Variants in ATXN1 observed in about 807,000 individuals in gnomAD.
ATXN1 encodes the protein ataxin-1.
In ATXN1, 8 loss-of-function variants were observed where a neutral mutation model predicts 56.4. That is an observed-to-expected ratio of 0.14 (90% CI 0.08 to 0.26). ATXN1 has a LOEUF of 0.26. ATXN1 is among the 10% of genes least tolerant of loss of function. The pLI, the probability that ATXN1 is intolerant of heterozygous loss-of-function variation, is 1.00. For synonymous variants in ATXN1, 514 were observed against 494.6 expected (o/e 1.04, Z -0.52); for missense variants, 987 against 1,106.5 (o/e 0.89, Z 1.53).
chr6:16,482,555 G>A (rs143560442), intron 6 of ATXN1, among the ~76,000 whole-genome samples: 224 of 152,262 alleles, frequency 1.5e-3, no homozygotes, highest in African/African-American at 5.2e-3. Context: ...ATGAAATATG[G>A]ATCACTTTCT....
intron 6 of ATXN1, among the ~76,000 whole-genome samples, chr6:16,462,681 G>A (rs1179505736): frequency 2.0e-5 from 3 of 152,070 alleles, no homozygotes; most frequent in Admixed American, 6.6e-5. Flanking sequence ...GCAATGAAAA[G>A]CCCTGTAACC....
chr6:16,377,353 T>G (rs796185007), intron 6 of ATXN1, among the ~76,000 whole-genome samples: 8 of 152,190 alleles, frequency 5.3e-5, no homozygotes, highest in Non-Finnish European at 1.0e-4. Flanking sequence ...TGTGGCACAC[T>G]CTTGTTCTCT....
At chr6:16,671,230 G>A (rs756020758) in intron 2 of ATXN1, among the ~76,000 whole-genome samples, 1 of 151,932 alleles carries the variant, frequency 6.6e-6, no homozygotes, top group Non-Finnish European at 1.5e-5. Context: ...AGAAGTATCT[G>A]CTATGGATCA....
At chr6:16,752,744 C>G (rs576889) in intron 2 of ATXN1, among the ~76,000 whole-genome samples, 1,737 of 152,288 alleles carry the variant, frequency 0.011, 21 homozygotes, top group Non-Finnish European at 0.017. Context: ...GAAAAACTTA[C>G]TGTACGTGGG....
intron 6 of ATXN1, among the ~76,000 whole-genome samples, chr6:16,425,928 C>T (rs1254604192): frequency 1.3e-5 from 2 of 152,160 alleles, no homozygotes; most frequent in African/African-American, 4.8e-5. Context: ...TAGAATTAGA[C>T]TTCAAAGCTA....
At chr6:16,708,203 A>G (rs1759446734) in intron 2 of ATXN1, among the ~76,000 whole-genome samples, 3 of 152,236 alleles carry the variant, frequency 2.0e-5, no homozygotes, top group Admixed American at 2.0e-4. Flanking sequence ...TAAAAGCATT[A>G]TAAATGATGG....
chr6:16,393,277 G>T (rs144120901), intron 6 of ATXN1, among the ~76,000 whole-genome samples: 6 of 151,746 alleles, frequency 4.0e-5, no homozygotes, highest in African/African-American at 1.5e-4. Context: ...TTTTTTTAGA[G>T]ACAGGGTCTT....
At chr6:16,403,362 A>T (rs438374) in intron 6 of ATXN1, among the ~76,000 whole-genome samples, 111,346 of 151,714 alleles carry the variant, frequency 0.73, 41,034 homozygotes, top group East Asian at 0.92. Flanking sequence ...TTAAAAAAAA[A>T]TTTTTTAAGA....
intron 5 of ATXN1, among the ~76,000 whole-genome samples, chr6:16,504,248 G>A (rs1760939947): frequency 6.6e-6 from 1 of 152,204 alleles, no homozygotes; most frequent in African/African-American, 2.4e-5. Flanking sequence ...CTACTCGCAT[G>A]TATTGCTAGG....
intron 5 of ATXN1, among the ~76,000 whole-genome samples, chr6:16,522,050 C>A (rs1561737856): frequency 6.6e-6 from 1 of 152,180 alleles, no homozygotes; most frequent in Non-Finnish European, 1.5e-5. Flanking sequence ...GATTCCAAAA[C>A]CAGACTTGTG....
chr6:16,502,202 G>A (rs1760898434), intron 5 of ATXN1, among the ~76,000 whole-genome samples: 1 of 152,148 alleles, frequency 6.6e-6, no homozygotes, highest in South Asian at 2.1e-4. Flanking sequence ...AGTATGCTCT[G>A]AATTGCTATA....
intron 2 of ATXN1, among the ~76,000 whole-genome samples, chr6:16,711,552 A>T (rs1197646512): frequency 6.7e-6 from 1 of 149,978 alleles, no homozygotes. Context: ...ATATATACAC[A>T]TATATATATA....
intron 3 of ATXN1, among the ~76,000 whole-genome samples, chr6:16,611,046 C>T (rs1306870542): frequency 6.6e-6 from 1 of 151,834 alleles, no homozygotes; most frequent in Non-Finnish European, 1.5e-5. Flanking sequence ...AAAATATATA[C>T]ACATATAAGG....
chr6:16,638,239 T>C (rs1763635019), intron 3 of ATXN1, among the ~76,000 whole-genome samples: 1 of 148,572 alleles, frequency 6.7e-6, no homozygotes, highest in South Asian at 2.1e-4. Context: ...AGCCCAGGAG[T>C]TCAAGACAAA....
At chr6:16,706,723 C>CA (rs773199840) in intron 2 of ATXN1, among the ~76,000 whole-genome samples, 33 of 20,566 alleles carry the variant, frequency 1.6e-3, no homozygotes, top group African/African-American at 3.7e-3. Context: ...GACTCCATCT[C>CA]AAAAAAAAAA....
At position 16,443,881 on chromosome 6, in the gene ATXN1, C is replaced by T. The variant is rs1335383396; in HGVS notation, c.-161+42091G>A. Among the ~76,000 whole-genome samples, 3 of 152,064 alleles carry T rather than the reference C, an allele frequency of 2.0e-5. No homozygotes were observed. The East Asian group carries it at 5.8e-4, about 29-fold the overall frequency. On this transcript the variant is annotated intron_variant, in intron 6 of 7. Coordinates refer to ENST00000436367, the MANE Select transcript of ATXN1 (RefSeq NM_001128164.2). ...CCTGTAATCCCAGCACTTTGGGAGG[C>T]CAAGGAGGGCCGATCACAAGGTCAG...
rs1272666890 is a variant in ATXN1 at position 16,581,197 on chromosome 6, G to C, written c.-361+4583C>G. On this transcript the variant is annotated intron_variant, in intron 4 of 7. Transcript: ENST00000436367. Reference sequence around the variant, plus strand: ...AAGACCCCATGTTCGAGAATGCACTGTGTGTGTGTGTGTGTGTGTGTGTGT... The same window carrying C: ...AAGACCCCATGTTCGAGAATGCACTCTGTGTGTGTGTGTGTGTGTGTGTGT... 7.3e-5 allele frequency among the ~76,000 whole-genome samples: 6 copies of C among 82,022 alleles called. No individual in the cohort carries two copies. In the East Asian group the frequency reaches 1.9e-3, roughly 25 times the overall value. 53.8% of individuals were successfully genotyped at this position (82,022 alleles called of 152,430 possible). A position where few individuals can be genotyped will look rare whatever the true frequency, so the allele number is the denominator to read the frequency against.
intron 6 of ATXN1, among the ~76,000 whole-genome samples, chr6:16,359,103 C>G (rs1761753912): frequency 6.6e-6 from 1 of 152,238 alleles, no homozygotes; most frequent in African/African-American, 2.4e-5. Flanking sequence ...TCTCTCCGTT[C>G]CAGGCACCCA....
chr6:16,628,029 T>G (rs899922673), intron 3 of ATXN1, among the ~76,000 whole-genome samples: 1 of 152,210 alleles, frequency 6.6e-6, no homozygotes, highest in Admixed American at 6.5e-5. Context: ...ATTAATTATT[T>G]TCTCCTGCAA....
Sources: allele counts gnomAD v4.1 joint callset (sites outside exome capture counted in the v4.1 genomes callset), GRCh38; gene constraint gnomAD v4.1.1; transcripts MANE v1.5; gene names NCBI Gene and HGNC (gene_info 2026-07-23, HGNC 2026-07-21).